Variants in CNTNAP2 observed in about 807,000 individuals in gnomAD.
The protein encoded by CNTNAP2 is contactin associated protein 2.
Under a neutral mutation model 155.2 loss-of-function variants are expected in CNTNAP2, and 98 were observed. The observed-to-expected ratio is 0.63, with a 90% confidence interval of 0.54 to 0.75. The LOEUF is 0.75. Ranked by LOEUF, CNTNAP2 falls within the 30% of genes least tolerant of loss-of-function variation. The pLI, the probability that CNTNAP2 is intolerant of heterozygous loss-of-function variation, is 0.00. For missense variants in CNTNAP2, 1,727 were observed against 1,688.1 expected (o/e 1.02, Z -0.40); for synonymous variants, 651 against 631.2 (o/e 1.03, Z -0.47).
chr7:146,696,894 G>T (rs1800791572), intron 1 of CNTNAP2, among the ~76,000 whole-genome samples: 1 of 152,054 alleles, frequency 6.6e-6, no homozygotes, highest in African/African-American at 2.4e-5. Flanking sequence ...AACTTCAATA[G>T]TTTAAATTCA....
At chr7:147,262,674 C>T (rs1024654141) in intron 8 of CNTNAP2, among the ~76,000 whole-genome samples, 2 of 152,126 alleles carry the variant, frequency 1.3e-5, no homozygotes, top group East Asian at 1.9e-4. Flanking sequence ...GGCGTGGTGG[C>T]GAGCGCCTGT....
intron 3 of CNTNAP2, among the ~76,000 whole-genome samples, chr7:146,944,768 C>T (rs1797127425): frequency 6.6e-6 from 1 of 152,026 alleles, no homozygotes; most frequent in South Asian, 2.1e-4. Context: ...GTCCCAGCTA[C>T]TCGGGAGGCT....
chr7:147,532,422 C>T (rs985956111), intron 11 of CNTNAP2, among the ~76,000 whole-genome samples: 2 of 152,184 alleles, frequency 1.3e-5, no homozygotes, highest in Non-Finnish European at 2.9e-5. Flanking sequence ...ATGTCACTAT[C>T]AGCATTTTGG....
intron 22 of CNTNAP2, among the ~76,000 whole-genome samples, chr7:148,406,246 G>GAAAGAAAT (rs59287471): frequency 0.92 from 138,807 of 151,622 alleles, 64,484 homozygotes; most frequent in East Asian, 1. Context: ...AATAAAGAAA[G>GAAAGAAAT]AAAGAAGGTC....
At chr7:147,872,023 G>C (rs1043874394) in intron 13 of CNTNAP2, among the ~76,000 whole-genome samples, 1 of 152,146 alleles carries the variant, frequency 6.6e-6, no homozygotes, top group Non-Finnish European at 1.5e-5. Flanking sequence ...TCCCTAGCAG[G>C]AAAAAGCCAG....
At position 146,855,807 on chromosome 7, in the gene CNTNAP2, GTATATATATATATATATATATATATA is replaced by G. The variant is rs367900395; in HGVS notation, c.402+15924_402+15949del. Among the ~76,000 whole-genome samples the G allele has an allele frequency of 3.5e-3, 391 of 111,082 alleles. 6 individuals are homozygous for G. The highest frequency in any genetic ancestry group is 0.011 in the African/African-American group (330 of 31,424). 72.9% of individuals were successfully genotyped at this position (111,082 alleles called of 152,430 possible). A position where few individuals can be genotyped will look rare whatever the true frequency, so the allele number is the denominator to read the frequency against. On this transcript the variant is annotated intron_variant, in intron 3 of 23. Coordinates refer to ENST00000361727, the MANE Select transcript of CNTNAP2 (RefSeq NM_014141.6). Reference sequence around the variant, plus strand: ...TAAAAATATATGTGTGTGTTAATGAGTATATATATATATATATATATATATATATATATATATATATATATACACAC... The same window carrying G: ...TAAAAATATATGTGTGTGTTAATGAGTATATATATATATATATATACACAC...
intron 1 of CNTNAP2, among the ~76,000 whole-genome samples, chr7:146,729,718 C>T (rs1034177685): frequency 5.9e-5 from 9 of 152,078 alleles, no homozygotes; most frequent in Middle Eastern, 3.4e-3. Flanking sequence ...TTTGGTTGTT[C>T]TTATCTCTTT....
chr7:146,841,725 C>T (rs150640023), intron 3 of CNTNAP2, among the ~76,000 whole-genome samples: 127 of 152,178 alleles, frequency 8.3e-4, no homozygotes, highest in African/African-American at 2.7e-3. Context: ...GTGTTCAAAT[C>T]TCCTCTCCTC....
chr7:147,096,691 GGT>G (rs576845879), intron 4 of CNTNAP2, among the ~76,000 whole-genome samples: 6 of 152,136 alleles, frequency 3.9e-5, no homozygotes, highest in Non-Finnish European at 7.3e-5. Context: ...TGTCAGGACT[GGT>G]TCTCGCCACA....
intron 2 of CNTNAP2, among the ~76,000 whole-genome samples, chr7:146,826,257 A>G (rs1803398063): frequency 6.6e-6 from 1 of 152,172 alleles, no homozygotes; most frequent in South Asian, 2.1e-4. Context: ...ATAAATAACT[A>G]AAGCTGTTTT....
At chr7:146,190,227 G>T (rs1798682740) in intron 1 of CNTNAP2, among the ~76,000 whole-genome samples, 1 of 152,168 alleles carries the variant, frequency 6.6e-6, no homozygotes, top group African/African-American at 2.4e-5. Context: ...AAGGCTTCTG[G>T]CTCTGGCCAT....
chr7:146,492,259 C>CAGAG (rs950249977), intron 1 of CNTNAP2, among the ~76,000 whole-genome samples: 3 of 146,082 alleles, frequency 2.1e-5, no homozygotes, highest in African/African-American at 7.7e-5. Flanking sequence ...GAGAGAGAGA[C>CAGAG]AGAGAGAGAG....
At chr7:147,798,442 TC>T (rs1303287354) in intron 13 of CNTNAP2, among the ~76,000 whole-genome samples, 1 of 152,208 alleles carries the variant, frequency 6.6e-6, no homozygotes, top group Non-Finnish European at 1.5e-5. Context: ...GTAAGTTTAC[TC>T]CAGGATGTCA....
chr7:147,681,687 A>G (rs1795949376), intron 13 of CNTNAP2, among the ~76,000 whole-genome samples: 1 of 152,000 alleles, frequency 6.6e-6, no homozygotes, highest in African/African-American at 2.4e-5. Context: ...AAAGTTACTC[A>G]TATATCTGCT....
At chr7:146,620,343 G>T (rs1047280255) in intron 1 of CNTNAP2, among the ~76,000 whole-genome samples, 3 of 152,144 alleles carry the variant, frequency 2.0e-5, no homozygotes, top group Non-Finnish European at 4.4e-5. Context: ...GATCCAAAAA[G>T]TTGGGTTCCT....
intron 8 of CNTNAP2, among the ~76,000 whole-genome samples, chr7:147,150,099 A>G (rs1230521753): frequency 6.6e-6 from 1 of 152,206 alleles, no homozygotes; most frequent in Non-Finnish European, 1.5e-5. Context: ...CCTATTTAGG[A>G]GGACAAGGCA....
rs1800746662 is a variant in CNTNAP2, at chr7:147,105,448, G to A, written c.551-2699G>A. 4.6e-5 allele frequency among the ~76,000 whole-genome samples: 7 copies of A among 152,010 alleles called. No individual in the cohort carries two copies. The South Asian group carries it at 1.5e-3, about 32-fold the overall frequency. ...ATTCTAGGGAGTGATAAGCAATCAG[G>A]ATAATAGAAGAAAAAAGTGGCTTGT... On this transcript the variant is annotated intron_variant, in intron 4 of 23. Coordinates refer to ENST00000361727, the MANE Select transcript of CNTNAP2 (RefSeq NM_014141.6).
At chr7:146,694,728 T>C (rs1317794066) in intron 1 of CNTNAP2, among the ~76,000 whole-genome samples, 1 of 152,206 alleles carries the variant, frequency 6.6e-6, no homozygotes, top group East Asian at 1.9e-4. Flanking sequence ...CTATTCATGA[T>C]CATATCTTTA....
chr7:148,044,248 G>C (rs1802732244), intron 15 of CNTNAP2, among the ~76,000 whole-genome samples: 1 of 143,992 alleles, frequency 6.9e-6, no homozygotes, highest in Non-Finnish European at 1.5e-5. Context: ...GGGTCTCCGT[G>C]TTCTAGCTCC....
Sources: allele counts gnomAD v4.1 joint callset (sites outside exome capture counted in the v4.1 genomes callset), GRCh38; gene constraint gnomAD v4.1.1; transcripts MANE v1.5; gene names NCBI Gene and HGNC (gene_info 2026-07-23, HGNC 2026-07-21).